The following DNAH9 variants were observed in gnomAD, a reference collection of about 807,000 sequenced individuals.
DNAH9 encodes DNAH9 variant protein.
A neutral mutation model predicts 471.6 loss-of-function variants in DNAH9; 345 were observed. That is an observed-to-expected ratio of 0.73 (90% CI 0.67 to 0.80). DNAH9 has a LOEUF of 0.80. Ranked by LOEUF, DNAH9 falls within the 30% of genes least tolerant of loss-of-function variation. The pLI is 0.00. For missense variants in DNAH9, 5,407 were observed against 5,609.2 expected, an observed-to-expected ratio of 0.96 and a Z score of 1.15; for synonymous variants, 2,093 against 2,123.6, an observed-to-expected ratio of 0.99 and a Z score of 0.40.
At chr17:11,905,191 G>A (rs560217520) in intron 60 of DNAH9, among the ~76,000 whole-genome samples, 3 of 151,262 alleles carry the variant, frequency 2.0e-5, no homozygotes, top group Admixed American at 2.0e-4. Context: ...CTGAGATTGT[G>A]CCACTGCAGT....
intron 62 of DNAH9, among the ~76,000 whole-genome samples, chr17:11,924,717 G>A (rs1395473050): frequency 4.2e-5 from 6 of 142,108 alleles, no homozygotes; most frequent in South Asian, 2.3e-4. Context: ...TCCGCCTCCC[G>A]GGTTCAAGCG....
intron 62 of DNAH9, among the ~76,000 whole-genome samples, chr17:11,927,707 G>A (rs1259521381): frequency 1.3e-5 from 2 of 152,094 alleles, no homozygotes; most frequent in African/African-American, 2.4e-5. Context: ...CTCTGGTCCT[G>A]GGTGAGAAAG....
chr17:11,655,177 A>G (rs1194883435), intron 14 of DNAH9, among the ~76,000 whole-genome samples: 2 of 151,908 alleles, frequency 1.3e-5, no homozygotes, highest in African/African-American at 4.8e-5. Context: ...AGTCCATTGT[A>G]TCCTCCTTAT....
At position 11,930,075 on chromosome 17, in the gene DNAH9, C is replaced by A. The variant is rs1447587955; in HGVS notation, c.12087C>A (p.Ala4029=). The part of the protein sequence containing the change: ...PTGMHANLHK[A]LDNFTQDTLE... ...GCATGCATGCCAACCTGCACAAGGC[C>A]CTGGACAACTTCACTCAGGTACGGC... Residue 4029 remains alanine (A), a synonymous_variant, in exon 63 of 69, where the codon GCC becomes GCA. Transcript: ENST00000262442. 8 of 1,613,846 alleles carry A rather than the reference C, an allele frequency of 5.0e-6. No individual in the cohort carries two copies. Among genetic ancestry groups the A allele is most frequent in the Non-Finnish European group, 5.9e-6 (7 of 1,179,982 alleles).
intron 2 of DNAH9, among the ~76,000 whole-genome samples, chr17:11,609,579 T>G (rs1425701802): frequency 1.3e-5 from 2 of 152,182 alleles, no homozygotes; most frequent in African/African-American, 4.8e-5. Context: ...TTTAATGAAG[T>G]GGAAGTGGGT....
intron 27 of DNAH9, among the ~76,000 whole-genome samples, chr17:11,724,368 T>A (rs2075116500): frequency 3.3e-5 from 5 of 152,198 alleles, no homozygotes; most frequent in Admixed American, 3.3e-4. Context: ...ACCATCATTC[T>A]ACTGTCTACC....
chr17:11,913,579 G>A (rs981393642), intron 61 of DNAH9, among the ~76,000 whole-genome samples: 6 of 152,016 alleles, frequency 3.9e-5, no homozygotes, highest in East Asian at 3.9e-4. Context: ...TCAGGAGATC[G>A]AGACCATCCT....
At chr17:11,730,887 G>C (rs1567756145) in intron 28 of DNAH9, among the ~76,000 whole-genome samples, 1 of 151,846 alleles carries the variant, frequency 6.6e-6, no homozygotes, top group South Asian at 2.1e-4. Flanking sequence ...TGATGATGAT[G>C]ATGGAGATGA....
rs1567763296 is a variant in DNAH9, at chr17:11,739,028, C to A, written c.5963C>A (p.Ser1988Tyr). ...ACAGAGCTGCCAGAGAATCTCAAGT[C>A]TCTCTTCAGGTGAGTGTCAGTTCTG... Reference protein sequence around the residue: ...GRTELPENLKSLFRPCAMVVP... With the variant: ...GRTELPENLKYLFRPCAMVVP... The change falls in exon 29 of 69, where the codon TCT (serine) becomes TAT (tyrosine). Residue 1988 changes from serine to tyrosine, a missense_variant. Around this residue, in one of 3 missense-constraint regions of DNAH9, gnomAD observed 4,636 missense variants for 4,900.3 expected, o/e 0.95. Coordinates refer to ENST00000262442, the MANE Select transcript of DNAH9 (RefSeq NM_001372.4). 1 of 1,613,774 alleles carries A rather than the reference C, an allele frequency of 6.2e-7. No homozygotes were observed. Among genetic ancestry groups the A allele is most frequent in the Non-Finnish European group, 8.5e-7 (1 of 1,179,710 alleles).
intron 43 of DNAH9, among the ~76,000 whole-genome samples, chr17:11,803,379 GGTGTGTGTGTGT>G (rs35385819): frequency 6.6e-6 from 1 of 150,444 alleles, no homozygotes; most frequent in African/African-American, 2.4e-5. Flanking sequence ...ATTCTCTAGG[GGTGTGTGTGTGT>G]GTGTGTGTGC....
chr17:11,652,624 T>A lies in DNAH9; in HGVS notation c.2354-137T>A. The stretch of plus-strand genomic sequence containing the variant: ...AATACAACTAGGAGGGAGAATATTC[T>A]GACGATAATGAAGTTACCTGTGTAG... On this transcript the variant is annotated intron_variant, in intron 13 of 68. Transcript: ENST00000262442. 3.6e-6 allele frequency: 3 copies of A among 840,484 alleles called. No individual in the cohort carries two copies. The South Asian group carries it at 5.2e-5, about 15-fold the overall frequency. The allele number at this position is 840,484 out of a possible 1,614,324, so 52.1% of individuals were successfully genotyped here. A position where few individuals can be genotyped will look rare whatever the true frequency, so the allele number is the denominator to read the frequency against.
chr17:11,866,404 G>A (rs574801168), intron 50 of DNAH9, among the ~76,000 whole-genome samples: 12 of 152,254 alleles, frequency 7.9e-5, no homozygotes, highest in Middle Eastern at 3.4e-3. Flanking sequence ...GTACCCGGCC[G>A]TGTGAGGTGT....
chr17:11,714,197 AT>A (rs2150793554), intron 26 of DNAH9, among the ~76,000 whole-genome samples: 1 of 152,326 alleles, frequency 6.6e-6, no homozygotes, highest in Non-Finnish European at 1.5e-5. Flanking sequence ...CTTGAAACCT[AT>A]TGAAAGCTCT....
At chr17:11,803,901 A>G (rs1447357067) in intron 43 of DNAH9, among the ~76,000 whole-genome samples, 2 of 152,202 alleles carry the variant, frequency 1.3e-5, no homozygotes, top group African/African-American at 2.4e-5. Context: ...GAGGCTGGGT[A>G]TCTTAGCACC....
intron 38 of DNAH9, among the ~76,000 whole-genome samples, chr17:11,771,587 A>G (rs1968206820): frequency 6.6e-6 from 1 of 152,196 alleles, no homozygotes; most frequent in South Asian, 2.1e-4. Flanking sequence ...TCATCACATC[A>G]GCACCTGGCA....
chr17:11,615,659 G>A (rs2072726868), intron 4 of DNAH9, among the ~76,000 whole-genome samples: 1 of 151,964 alleles, frequency 6.6e-6, no homozygotes, highest in Non-Finnish European at 1.5e-5. Context: ...TCATCCAAGG[G>A]TATTGCATCC....
At chr17:11,697,774 A>C (rs951312816) in intron 22 of DNAH9, among the ~76,000 whole-genome samples, 1 of 151,866 alleles carries the variant, frequency 6.6e-6, no homozygotes, top group African/African-American at 2.4e-5. Context: ...AAGCTCTTCC[A>C]CCATATTTAA....
chr17:11,703,137 T>G (rs2150775469), intron 24 of DNAH9, among the ~76,000 whole-genome samples: 1 of 149,852 alleles, frequency 6.7e-6, no homozygotes, highest in African/African-American at 2.5e-5. Flanking sequence ...ACAGTGAATG[T>G]GTGTGAATAG....
chr17:11,822,177 T>C, intron 46 of DNAH9, 115 bp downstream of exon 46: 1 of 1,255,678 alleles, frequency 8.0e-7, no homozygotes. Context: ...GTGGTGAGTG[T>C]GCGGCACCCT....
Sources: allele counts gnomAD v4.1 joint callset (sites outside exome capture counted in the v4.1 genomes callset), GRCh38; gene constraint gnomAD v4.1.1; regional missense constraint gnomAD v4.1.1; transcripts MANE v1.5; gene names NCBI Gene and HGNC (gene_info 2026-07-23, HGNC 2026-07-21).